Variants in UBE2V1 observed in about 807,000 individuals in gnomAD.
UBE2V1 encodes the protein ubiquitin-conjugating enzyme E2 variant 1.
A neutral mutation model predicts 19.6 loss-of-function variants in UBE2V1; 15 were observed. That is an observed-to-expected ratio of 0.77 (90% CI 0.51 to 1.18). The LOEUF is 1.18. Among genes scored for constraint, UBE2V1 ranks in the 50% most tolerant of loss-of-function variants. UBE2V1 has a pLI of 0.00. For missense variants in UBE2V1, 125 were observed against 184.8 expected, an observed-to-expected ratio of 0.68 and a Z score of 1.88; for synonymous variants, 60 against 60.7, an observed-to-expected ratio of 0.99 and a Z score of 0.05.
intron 1 of UBE2V1, among the ~76,000 whole-genome samples, chr20:50,102,834 A>G (rs1055153887): frequency 6.6e-6 from 1 of 151,932 alleles, no homozygotes; most frequent in Non-Finnish European, 1.5e-5. Context: ...ATTTTGTGCC[A>G]CTCTGCCTTG....
rs565261597 is a variant in UBE2V1, at chr20:50,105,527, G to A, written c.22+7580C>T. 4.6e-5 allele frequency among the ~76,000 whole-genome samples: 7 copies of A among 152,286 alleles called. 1 individual carries two copies. In the South Asian group the frequency reaches 1.5e-3, roughly 32 times the overall value. The stretch of plus-strand genomic sequence containing the variant: ...CCAAGAATACTCTAACATATGTTTT[G>A]GTCCTCTAGCACTTTAATCAATTGA... On this transcript the variant is annotated intron_variant, in intron 1 of 3. Transcript: ENST00000371674.
chr20:50,094,997 T>G (rs1433075723), intron 2 of UBE2V1: 1 of 152,246 alleles, frequency 6.6e-6, no homozygotes, highest in African/African-American at 2.4e-5. Flanking sequence ...CAAGCTGTTT[T>G]AGGCAGACAG....
intron 1 of UBE2V1, chr20:50,111,559 C>A (rs576918307): frequency 1.0e-6 from 1 of 1,000,302 alleles, no homozygotes; most frequent in East Asian, 1.1e-4. Context: ...CAGCACTGTT[C>A]CAGCTGAAAC....
chr20:50,096,394 A>T (rs2079624542), intron 2 of UBE2V1: 1 of 614,020 alleles, frequency 1.6e-6, no homozygotes, highest in African/African-American at 1.9e-5. Flanking sequence ...ATTGTTCTGA[A>T]CGACATCTGA....
chr20:50,084,749 C>T, intron 2 of UBE2V1: 1 of 365,088 alleles, frequency 2.7e-6, no homozygotes, highest in Non-Finnish European at 5.4e-6. Context: ...CCCCCTTCTC[C>T]ATCACTCCGG....
At chr20:50,098,406 G>A (rs2079772736) in intron 1 of UBE2V1, among the ~76,000 whole-genome samples, 1 of 152,222 alleles carries the variant, frequency 6.6e-6, no homozygotes, top group Non-Finnish European at 1.5e-5. Context: ...GTGTGAGGAT[G>A]AGAGTGAAGG....
chr20:50,097,628 C>A (rs959882664), intron 1 of UBE2V1, among the ~76,000 whole-genome samples: 1 of 152,144 alleles, frequency 6.6e-6, no homozygotes, highest in Non-Finnish European at 1.5e-5. Flanking sequence ...GGGAACAAAT[C>A]ATCTCTCCTA....
intron 1 of UBE2V1, among the ~76,000 whole-genome samples, chr20:50,103,681 C>T (rs1275934329): frequency 2.6e-5 from 4 of 152,150 alleles, no homozygotes; most frequent in African/African-American, 9.7e-5. Context: ...GCTGGGATTA[C>T]AGGCATCAGC....
chr20:50,095,203 A>T (rs1226014083), intron 2 of UBE2V1: 1 of 152,170 alleles, frequency 6.6e-6, no homozygotes, highest in African/African-American at 2.4e-5. Context: ...CTGGGAAGTA[A>T]GGAGGGAAGC....
At chr20:50,112,297 T>A (rs534092397) in intron 1 of UBE2V1, among the ~76,000 whole-genome samples, 212 of 152,224 alleles carry the variant, frequency 1.4e-3, no homozygotes, top group African/African-American at 4.9e-3. Flanking sequence ...TTCTCCCTCA[T>A]CCAATATCAG....
chr20:50,106,606 G>A (rs1441106462), intron 1 of UBE2V1, among the ~76,000 whole-genome samples: 1 of 152,122 alleles, frequency 6.6e-6, no homozygotes, highest in African/African-American at 2.4e-5. Context: ...AGAGATGGGT[G>A]GATCACCTGA....
At chr20:50,093,941 T>C (rs1331332467) in intron 2 of UBE2V1, among the ~76,000 whole-genome samples, 2 of 134,262 alleles carry the variant, frequency 1.5e-5, no homozygotes, top group South Asian at 2.2e-4. Flanking sequence ...TGAGCCGAGA[T>C]TGCGCCACTG....
At chr20:50,105,684 C>G (rs978711878) in intron 1 of UBE2V1, among the ~76,000 whole-genome samples, 1 of 152,188 alleles carries the variant, frequency 6.6e-6, no homozygotes, top group Non-Finnish European at 1.5e-5. Flanking sequence ...CGCAGTGGCT[C>G]ACACCTGTAA....
Position 50,086,729 on chromosome 20 carries a change from G to GT in UBE2V1, c.172-2476dup, listed in dbSNP as rs555084746. 2.0e-3 allele frequency among the ~76,000 whole-genome samples: 297 copies of GT among 151,812 alleles called. 3 individuals are homozygous for GT. The highest frequency in any genetic ancestry group is 6.7e-3 in the African/African-American group (278 of 41,422). ...CATCTGGTAATTTCACTGGAAGACA[G>GT]TAAAAAAAAAAGCCTCAAGTCATCA... is the stretch of plus-strand genomic sequence containing the variant. On this transcript the variant is annotated intron_variant, in intron 2 of 3. Coordinates refer to ENST00000371674, the MANE Select transcript of UBE2V1 (RefSeq NM_001032288.3).
At chr20:50,089,428 G>C (rs539207472) in intron 2 of UBE2V1, among the ~76,000 whole-genome samples, 12 of 152,334 alleles carry the variant, frequency 7.9e-5, no homozygotes, top group East Asian at 1.9e-4. Context: ...GGGTGGTACA[G>C]ACAGAACAAA....
At chr20:50,092,045 G>C (rs1268271558) in intron 2 of UBE2V1, among the ~76,000 whole-genome samples, 1 of 152,186 alleles carries the variant, frequency 6.6e-6, no homozygotes, top group African/African-American at 2.4e-5. Context: ...ACTTGGCCGG[G>C]TGTGGTGGGC....
intron 1 of UBE2V1, among the ~76,000 whole-genome samples, chr20:50,105,795 T>C (rs2080315589): frequency 6.6e-6 from 1 of 152,134 alleles, no homozygotes; most frequent in Non-Finnish European, 1.5e-5. Flanking sequence ...CCAGTTGTGG[T>C]GGCACATGCC....
At position 50,096,558 on chromosome 20, in the gene UBE2V1, T is replaced by C. The variant is rs759888360; in HGVS notation, c.171+114A>G. On this transcript the variant is annotated intron_variant, in intron 2 of 3. Coordinates refer to ENST00000371674, the MANE Select transcript of UBE2V1 (RefSeq NM_001032288.3). ...AACTGGTCAAAAAAGAATAGCCACA[T>C]TTCAGAAAATATACCATTGGTGAGC... 18 of 1,603,458 alleles carry C rather than the reference T, an allele frequency of 1.1e-5. No homozygotes were observed. In the African/African-American group the frequency reaches 2.4e-4, roughly 21 times the overall value.
At chr20:50,108,105 T>C (rs2080509413) in intron 1 of UBE2V1, among the ~76,000 whole-genome samples, 1 of 152,200 alleles carries the variant, frequency 6.6e-6, no homozygotes, top group Non-Finnish European at 1.5e-5. Context: ...AAGGGCTTGC[T>C]GAAGGGGAGT....
Sources: allele counts gnomAD v4.1 joint callset (sites outside exome capture counted in the v4.1 genomes callset), GRCh38; gene constraint gnomAD v4.1.1; transcripts MANE v1.5; gene names NCBI Gene and HGNC (gene_info 2026-07-23, HGNC 2026-07-21).